Variants in WNT9A observed in about 807,000 individuals in gnomAD.
WNT9A encodes Wnt family member 9A, also known as protein Wnt-9a.
Under a neutral mutation model 31.4 loss-of-function variants are expected in WNT9A, and 8 were observed. That is an observed-to-expected ratio of 0.26 (90% CI 0.15 to 0.46). The LOEUF is 0.46. Among genes scored for constraint, WNT9A ranks in the 20% least tolerant of loss-of-function variants. The pLI is 0.99. For missense variants in WNT9A, 457 were observed against 522.9 expected, an observed-to-expected ratio of 0.87 and a Z score of 1.23; for synonymous variants, 236 against 220.1, an observed-to-expected ratio of 1.07 and a Z score of -0.64.
At chr1:227,939,164 A>G (rs541713402) in intron 1 of WNT9A, among the ~76,000 whole-genome samples, 2 of 152,374 alleles carry the variant, frequency 1.3e-5, no homozygotes, top group Admixed American at 6.5e-5. Flanking sequence ...CTGCCATGCC[A>G]CAGGGCACAC....
At position 227,925,330 on chromosome 1, in the gene WNT9A, G is replaced by A. The variant is rs1359498176; in HGVS notation, c.285C>T (p.Phe95=). The change falls in exon 2 of 4, where the codon TTC becomes TTT. Residue 95 remains phenylalanine (F), a synonymous_variant. Coordinates refer to ENST00000272164, the MANE Select transcript of WNT9A (RefSeq NM_003395.4). This position sits in a 1 kb window ranked among gnomAD's most constrained non-coding sequence, Gnocchi z 6.0. ...AGTTCCAGCGCTCAAAGCGGAACTG[G>A]AACTGGCACTCGAGCGCACTCATGC... The part of the protein sequence containing the change: ...AVSMSALECQ[F]QFRFERWNCT... The A allele has an allele frequency of 6.2e-7, 1 of 1,609,336 alleles. No homozygotes were observed. The highest frequency in any genetic ancestry group is 8.5e-7 in the Non-Finnish European group (1 of 1,178,850).
At chr1:227,927,607 C>T (rs1307806449) in intron 1 of WNT9A, among the ~76,000 whole-genome samples, 2 of 152,148 alleles carry the variant, frequency 1.3e-5, no homozygotes, top group Non-Finnish European at 2.9e-5. Context: ...ACGGCTAGGG[C>T]GGGAGGCAGG....
rs1222455246 is a variant in WNT9A, at chr1:227,919,382, T to C, written c.*2136A>G. ...ATGCAGCTGCAGGCACATGTCGGGGTGCTCTCTGAACCACAGGAGAATAAA... is the reference window on the plus strand; with the variant it reads ...ATGCAGCTGCAGGCACATGTCGGGGCGCTCTCTGAACCACAGGAGAATAAA... On this transcript the variant is annotated 3_prime_UTR_variant, in exon 4 of 4. Transcript: ENST00000272164. The C allele has an allele frequency of 6.6e-6, 1 of 152,056 alleles. No homozygotes were observed. Among genetic ancestry groups the C allele is most frequent in the African/African-American group, 2.4e-5 (1 of 41,382 alleles). 9.4% of individuals were successfully genotyped at this position (152,056 alleles called of 1,614,324 possible). A position where few individuals can be genotyped will look rare whatever the true frequency, so the allele number is the denominator to read the frequency against.
At chr1:227,944,246 G>T (rs760655741) in intron 1 of WNT9A, among the ~76,000 whole-genome samples, 1 of 152,198 alleles carries the variant, frequency 6.6e-6, no homozygotes, top group African/African-American at 2.4e-5. Flanking sequence ...CGGTGATGCT[G>T]AGTGAGAGAA....
At chr1:227,944,588 A>T (rs1278158967) in intron 1 of WNT9A, among the ~76,000 whole-genome samples, 1 of 151,982 alleles carries the variant, frequency 6.6e-6, no homozygotes, top group African/African-American at 2.4e-5. Context: ...CACAGTGGTC[A>T]CTCCCTCCAG....
At chr1:227,944,343 G>C (rs1184759435) in intron 1 of WNT9A, among the ~76,000 whole-genome samples, 1 of 152,246 alleles carries the variant, frequency 6.6e-6, no homozygotes. Flanking sequence ...ACGCAGACAA[G>C]TGGTTGCCAG....
At chr1:227,946,576 G>A (rs900009164) in intron 1 of WNT9A, among the ~76,000 whole-genome samples, 5 of 152,238 alleles carry the variant, frequency 3.3e-5, no homozygotes, top group African/African-American at 9.6e-5. Context: ...GGGCCCCAGG[G>A]AACTGAGACA....
rs1666406158 is a variant in WNT9A, at chr1:227,925,491, G to C, written c.124C>G (p.Leu42Val). ...GCCTCTGGCTCCAGGGTCAGCGGGA[G>C]GATGGTCAGGGGCTCGCTGCCCGTC... ...GLTGSEPLTILPLTLEPEAAA... is the reference protein window; with the variant it reads ...GLTGSEPLTIVPLTLEPEAAA... The change falls in exon 2 of 4, where the codon CTC becomes GTC. Residue 42 changes from leucine (L) to valine (V), a missense_variant. Physicochemically the swap from Leu to Val is conservative, Grantham distance 32. Coordinates refer to ENST00000272164, the MANE Select transcript of WNT9A (RefSeq NM_003395.4). This position sits in a 1 kb window ranked among gnomAD's most constrained non-coding sequence, Gnocchi z 6.0. The C allele has an allele frequency of 6.4e-7, 1 of 1,566,688 alleles. No individual in the cohort carries two copies. The highest frequency in any genetic ancestry group is 1.4e-5 in the African/African-American group (1 of 73,678).
rs1666296886 is a variant in WNT9A, at chr1:227,920,712, A to G, written c.*806T>C. ...GGTCACCAAGGTGCACCTGCCACCCATGCCTCAGAGGAGGTGGGGAGGGAA... is the reference window on the plus strand; with the variant it reads ...GGTCACCAAGGTGCACCTGCCACCCGTGCCTCAGAGGAGGTGGGGAGGGAA... On this transcript the variant is annotated 3_prime_UTR_variant, in exon 4 of 4. Transcript: ENST00000272164. 6.6e-6 allele frequency: 1 copy of G among 152,210 alleles called. No individual in the cohort carries two copies. The allele number at this position is 152,210 out of a possible 1,614,324, so 9.4% of individuals were successfully genotyped here. A position where few individuals can be genotyped will look rare whatever the true frequency, so the allele number is the denominator to read the frequency against.
intron 1 of WNT9A, among the ~76,000 whole-genome samples, chr1:227,931,795 CT>C (rs1666515371): frequency 6.6e-6 from 1 of 152,088 alleles, no homozygotes; most frequent in African/African-American, 2.4e-5. Flanking sequence ...CATCTTTTCG[CT>C]GGGGGAGGGT....
At chr1:227,924,107 C>CT in intron 3 of WNT9A, 31 bp downstream of exon 3, 6 of 1,418,884 alleles carry the variant, frequency 4.2e-6, no homozygotes, top group African/African-American at 1.4e-5. Context: ...CTGACCCTCC[C>CT]TTCCCACCCC....
Position 227,926,070 on chromosome 1 carries a change from C to T in WNT9A, c.96-551G>A, listed in dbSNP as rs1666417077. ...CACTCCTGCAGTCTACGCATATGTC[C>T]CCAGGTTCCAGCTGGGGTCTCCCCA... On this transcript the variant is annotated intron_variant, in intron 1 of 3. Coordinates refer to ENST00000272164, the MANE Select transcript of WNT9A (RefSeq NM_003395.4). This position sits in a 1 kb window ranked among gnomAD's most constrained non-coding sequence, Gnocchi z 5.0. Among the ~76,000 whole-genome samples the T allele has an allele frequency of 6.6e-6, 1 of 152,128 alleles. No individual in the cohort carries two copies.
chr1:227,941,338 A>C (rs929817553), intron 1 of WNT9A, among the ~76,000 whole-genome samples: 2 of 152,082 alleles, frequency 1.3e-5, no homozygotes, highest in African/African-American at 4.8e-5. Flanking sequence ...GGAGAGAAGG[A>C]TGCATCTGAG....
Position 227,928,399 on chromosome 1 carries a change from G to C in WNT9A, c.96-2880C>G, listed in dbSNP as rs1666455287. 6.6e-6 allele frequency among the ~76,000 whole-genome samples: 1 copy of C among 152,168 alleles called. No homozygotes were observed. The highest frequency in any genetic ancestry group is 1.5e-5 in the Non-Finnish European group (1 of 68,016). ...GTGGAGGGAGGGTTGCCCCAGCCTA[G>C]CAGTGGCAAGGGATGGCCTGAGGCC... On this transcript the variant is annotated intron_variant, in intron 1 of 3. Transcript: ENST00000272164. This position sits in a 1 kb window ranked among gnomAD's most constrained non-coding sequence, Gnocchi z 4.5.
chr1:227,933,453 A>T (rs1666543388), intron 1 of WNT9A, among the ~76,000 whole-genome samples: 1 of 152,126 alleles, frequency 6.6e-6, no homozygotes, highest in African/African-American at 2.4e-5. Flanking sequence ...TCACTTTATC[A>T]TTTGTATGTT....
intron 1 of WNT9A, among the ~76,000 whole-genome samples, chr1:227,929,651 T>C (rs1045474891): frequency 6.6e-5 from 10 of 152,140 alleles, no homozygotes; most frequent in Non-Finnish European, 1.3e-4. Flanking sequence ...CTGGGCAACA[T>C]AGTGAGACCT....
chr1:227,933,777 C>T (rs1666547185), intron 1 of WNT9A, among the ~76,000 whole-genome samples: 1 of 152,202 alleles, frequency 6.6e-6, no homozygotes. Flanking sequence ...GCAGCTCACA[C>T]ACCACAAACT....
At chr1:227,940,597 C>T (rs1318300300) in intron 1 of WNT9A, among the ~76,000 whole-genome samples, 2 of 152,350 alleles carry the variant, frequency 1.3e-5, no homozygotes, top group South Asian at 2.1e-4. Flanking sequence ...GGGACGCCGG[C>T]CCTGACGTTC....
At chr1:227,947,019 C>T (rs1293603448) in intron 1 of WNT9A, among the ~76,000 whole-genome samples, 3 of 152,168 alleles carry the variant, frequency 2.0e-5, no homozygotes, top group South Asian at 2.1e-4. Context: ...GCCCAAAGCG[C>T]AGCGAGGGTC....
Sources: allele counts gnomAD v4.1 joint callset (sites outside exome capture counted in the v4.1 genomes callset), GRCh38; gene constraint gnomAD v4.1.1; non-coding constraint Gnocchi (gnomAD v3.1); transcripts MANE v1.5; gene names NCBI Gene and HGNC (gene_info 2026-07-23, HGNC 2026-07-21).